Variants in CNTN5 observed in about 807,000 individuals in gnomAD.
CNTN5 encodes contactin-5.
A neutral mutation model predicts 129.1 loss-of-function variants in CNTN5; 77 were observed. That is an observed-to-expected ratio of 0.60 (90% CI 0.50 to 0.72). The LOEUF is 0.72. Ranked by LOEUF, CNTN5 falls within the 30% of genes least tolerant of loss-of-function variation. CNTN5 has a pLI of 0.00. For synonymous variants in CNTN5, 509 were observed against 465.6 expected (o/e 1.09, Z -1.20); for missense variants, 1,478 against 1,328.8 (o/e 1.11, Z -1.75).
rs187486044 is a variant in CNTN5, at chr11:99,975,345, T to G, written c.877+18336T>G. On this transcript the variant is annotated intron_variant, in intron 8 of 24. Coordinates refer to ENST00000524871, the MANE Select transcript of CNTN5 (RefSeq NM_014361.4). ...GGACTTGCATGAGGCCTGTAGCCCC[T>G]TGGTTTTGACCAATTTCTCCCTTTT... is the stretch of plus-strand genomic sequence containing the variant. Among the ~76,000 whole-genome samples the G allele has an allele frequency of 3.5e-4, 54 of 152,270 alleles. No individual in the cohort carries two copies. In the Middle Eastern group the frequency reaches 0.01, roughly 29 times the overall value.
chr11:99,667,153 CATA>C (rs1189219307), intron 3 of CNTN5, among the ~76,000 whole-genome samples: 2 of 151,824 alleles, frequency 1.3e-5, no homozygotes, highest in African/African-American at 2.4e-5. Context: ...ATCCTTGAAT[CATA>C]GTTGTTTTTT....
intron 1 of CNTN5, among the ~76,000 whole-genome samples, chr11:99,062,143 A>C (rs1864910193): frequency 6.6e-6 from 1 of 152,162 alleles, no homozygotes; most frequent in Non-Finnish European, 1.5e-5. Context: ...ATTTTGAAGC[A>C]AATTATCTTT....
At chr11:99,058,232 T>A (rs6589875) in intron 1 of CNTN5, among the ~76,000 whole-genome samples, 116,871 of 151,838 alleles carry the variant, frequency 0.77, 45,212 homozygotes, top group East Asian at 0.92. Flanking sequence ...GGAAAGAATG[T>A]TCAGGAGCTC....
At chr11:99,970,862 G>T (rs929424146) in intron 8 of CNTN5, among the ~76,000 whole-genome samples, 6 of 152,060 alleles carry the variant, frequency 3.9e-5, no homozygotes, top group Non-Finnish European at 8.8e-5. Flanking sequence ...TCCATTACTT[G>T]CCTTCAATAG....
At chr11:99,576,284 G>A (rs996143776) in intron 3 of CNTN5, among the ~76,000 whole-genome samples, 3 of 152,066 alleles carry the variant, frequency 2.0e-5, no homozygotes, top group Non-Finnish European at 4.4e-5. Flanking sequence ...AATACCTTAA[G>A]GTATATGGAA....
Position 99,079,573 on chromosome 11 carries a change from T to G in CNTN5, c.-210+58303T>G, listed in dbSNP as rs1016002155. Among the ~76,000 whole-genome samples, 3 of 152,318 alleles carry G rather than the reference T, an allele frequency of 2.0e-5. No individual in the cohort carries two copies. In the South Asian group the frequency reaches 6.2e-4, roughly 32 times the overall value. On this transcript the variant is annotated intron_variant, in intron 1 of 24. Coordinates refer to ENST00000524871, the MANE Select transcript of CNTN5 (RefSeq NM_014361.4). ...ATGTTCACTGGAAACATAAGTGACC[T>G]CACAATTTAATTGGCTAACGAATAT...
intron 3 of CNTN5, among the ~76,000 whole-genome samples, chr11:99,627,269 C>T (rs1790259): frequency 0.61 from 92,439 of 151,402 alleles, 29,061 homozygotes; most frequent in Admixed American, 0.74. Context: ...TTTAAAGCCT[C>T]TGTTTCTCCA....
chr11:99,703,142 A>T (rs1386328017), intron 3 of CNTN5, among the ~76,000 whole-genome samples: 2 of 149,900 alleles, frequency 1.3e-5, no homozygotes, highest in Non-Finnish European at 3.0e-5. Context: ...ATGATTGCGT[A>T]TTTATAATCT....
intron 3 of CNTN5, among the ~76,000 whole-genome samples, chr11:99,573,052 A>T (rs1278838868): frequency 1.3e-5 from 2 of 152,224 alleles, no homozygotes; most frequent in Admixed American, 1.3e-4. Flanking sequence ...AGAAATAAAC[A>T]GTTGTTATTG....
chr11:100,151,613 C>A lies in CNTN5; in HGVS notation c.1581-39513C>A, dbSNP rs190873579. On this transcript the variant is annotated intron_variant, in intron 13 of 24. Coordinates refer to ENST00000524871, the MANE Select transcript of CNTN5 (RefSeq NM_014361.4). The stretch of plus-strand genomic sequence containing the variant: ...CCTACGTTAATTTGAACAGATATTA[C>A]CAACTTAAGTGTCTTCAATTTTATT... Among the ~76,000 whole-genome samples, 189 of 152,248 alleles carry A rather than the reference C, an allele frequency of 1.2e-3. 1 individual carries two copies. The highest frequency in any genetic ancestry group is 4.2e-3 in the African/African-American group (176 of 41,542).
At chr11:99,175,043 G>A (rs910530475) in intron 1 of CNTN5, among the ~76,000 whole-genome samples, 1 of 151,982 alleles carries the variant, frequency 6.6e-6, no homozygotes, top group African/African-American at 2.4e-5. Context: ...AACCAGCCTT[G>A]GCAACAAAGT....
At chr11:99,976,795 C>A (rs1013109386) in intron 8 of CNTN5, among the ~76,000 whole-genome samples, 13 of 152,194 alleles carry the variant, frequency 8.5e-5, no homozygotes, top group African/African-American at 3.1e-4. Context: ...CTCTAACATG[C>A]CCTGGAAACA....
At chr11:99,088,035 C>A (rs1866071373) in intron 1 of CNTN5, among the ~76,000 whole-genome samples, 1 of 152,134 alleles carries the variant, frequency 6.6e-6, no homozygotes, top group African/African-American at 2.4e-5. Flanking sequence ...ATATATGTGG[C>A]TAATGTAAAT....
intron 3 of CNTN5, among the ~76,000 whole-genome samples, chr11:99,755,804 T>C (rs1364832550): frequency 6.6e-6 from 1 of 152,094 alleles, no homozygotes; most frequent in Non-Finnish European, 1.5e-5. Context: ...TCTTAACTCC[T>C]TAAGAAGTAT....
At chr11:99,831,713 C>G (rs1947146273) in intron 4 of CNTN5, among the ~76,000 whole-genome samples, 1 of 152,156 alleles carries the variant, frequency 6.6e-6, no homozygotes. Flanking sequence ...AAATCCACTT[C>G]TCATTGCATG....
chr11:99,112,557 A>G (rs1857848892), intron 1 of CNTN5, among the ~76,000 whole-genome samples: 1 of 152,038 alleles, frequency 6.6e-6, no homozygotes, highest in Admixed American at 6.6e-5. Context: ...ACCATTATTG[A>G]CTAAGGTATT....
intron 9 of CNTN5, among the ~76,000 whole-genome samples, chr11:100,051,419 A>C (rs1942948123): frequency 6.6e-6 from 1 of 152,074 alleles, no homozygotes; most frequent in African/African-American, 2.4e-5. Context: ...GAAATCACAA[A>C]AGAAAGTAGA....
At chr11:99,490,338 G>A (rs1391234136) in intron 2 of CNTN5, among the ~76,000 whole-genome samples, 1 of 152,008 alleles carries the variant, frequency 6.6e-6, no homozygotes, top group Non-Finnish European at 1.5e-5. Flanking sequence ...TGATTCTGTA[G>A]TTTATTACAT....
At chr11:99,645,782 A>ACAC (rs1555060574) in intron 3 of CNTN5, among the ~76,000 whole-genome samples, 90,602 of 150,940 alleles carry the variant, frequency 0.6, 28,019 homozygotes, top group Admixed American at 0.69. Context: ...GGAACATTGC[A>ACAC]CACTTGGGCC....
Sources: gnomAD v4.1 joint callset for allele counts (sites outside exome capture counted in the v4.1 genomes callset) on GRCh38, gnomAD v4.1.1 for gene constraint, MANE v1.5 for transcripts, NCBI Gene and HGNC (gene_info 2026-07-23, HGNC 2026-07-21) for gene names.